IL34: variants seen among roughly 807,000 people sequenced by gnomAD.
IL34 encodes the protein interleukin-34.
A neutral mutation model predicts 25.3 loss-of-function variants in IL34; 17 were observed. The observed-to-expected ratio is 0.67, with a 90% CI of 0.46 to 1.01. The LOEUF is 1.01. IL34 is among the 50% of genes least tolerant of loss of function. IL34 has a pLI of 0.00. For missense variants in IL34, 368 were observed against 312.9 expected (o/e 1.18, Z -1.33); for synonymous variants, 174 against 140.9 (o/e 1.23, Z -1.66).
Position 70,641,037 on chromosome 16 carries a change from C to T in IL34, c.-400-5511C>T, listed in dbSNP as rs187119341. 1.4e-3 allele frequency among the ~76,000 whole-genome samples: 214 copies of T among 152,162 alleles called. 1 individual carries two copies. Among genetic ancestry groups the T allele is most frequent in the African/African-American group, 4.3e-3 (180 of 41,516 alleles). ...CTGTAATCCCAGCACGTTGGGAGGC[C>T]GAGGCAGGCAGATCACTTGAGGTCA... is the stretch of plus-strand genomic sequence containing the variant. On this transcript the variant is annotated intron_variant, in intron 1 of 6. Coordinates refer to the IL34 transcript ENST00000429149.
At chr16:70,637,952 T>TTTTGA (rs1226266834) in intron 1 of IL34, among the ~76,000 whole-genome samples, 1 of 152,156 alleles carries the variant, frequency 6.6e-6, no homozygotes, top group East Asian at 1.9e-4. Context: ...TTCCAGGTTT[T>TTTTGA]TTTGTTTTGT....
intron 1 of IL34, among the ~76,000 whole-genome samples, chr16:70,634,321 G>C (rs566102248): frequency 1.4e-4 from 22 of 152,230 alleles, no homozygotes; most frequent in African/African-American, 5.1e-4. Flanking sequence ...GTTCAACCCA[G>C]TACAGATATG....
At chr16:70,588,458 C>T (rs1445899707) in intron 1 of IL34, among the ~76,000 whole-genome samples, 1 of 151,788 alleles carries the variant, frequency 6.6e-6, no homozygotes, top group Non-Finnish European at 1.5e-5. Flanking sequence ...CACGCCATTT[C>T]ACTCCAAGCC....
At chr16:70,610,411 C>G (rs1441542571) in intron 1 of IL34, among the ~76,000 whole-genome samples, 1 of 152,180 alleles carries the variant, frequency 6.6e-6, no homozygotes, top group African/African-American at 2.4e-5. Context: ...ATTTTGGCAT[C>G]TGGCCCATGT....
chr16:70,597,913 C>T (rs530216588), intron 1 of IL34, among the ~76,000 whole-genome samples: 3 of 152,302 alleles, frequency 2.0e-5, no homozygotes, highest in African/African-American at 7.2e-5. Context: ...TCTTGGCTCA[C>T]TGTAACCTCT....
At chr16:70,628,973 A>G (rs1228643259) in intron 1 of IL34, among the ~76,000 whole-genome samples, 1 of 151,474 alleles carries the variant, frequency 6.6e-6, no homozygotes, top group East Asian at 2.0e-4. Flanking sequence ...TTTTTAATGT[A>G]TAGACAGGGT....
chr16:70,609,545 A>G (rs1180941274), intron 1 of IL34, among the ~76,000 whole-genome samples: 1 of 151,434 alleles, frequency 6.6e-6, no homozygotes, highest in African/African-American at 2.4e-5. Context: ...AGATCAAGCA[A>G]CAAGCAAGTG....
intron 1 of IL34, among the ~76,000 whole-genome samples, chr16:70,652,127 C>CAAA (rs143991484): frequency 2.6e-4 from 37 of 143,340 alleles, no homozygotes; most frequent in East Asian, 1.6e-3. Context: ...GACTCCGTCT[C>CAAA]AAAAAAAAAA....
intron 1 of IL34, among the ~76,000 whole-genome samples, chr16:70,653,636 T>C (rs1454600530): frequency 6.6e-6 from 1 of 152,006 alleles, no homozygotes; most frequent in African/African-American, 2.4e-5. Flanking sequence ...AGTTCTAGGA[T>C]GCAATGAGCC....
intron 1 of IL34, among the ~76,000 whole-genome samples, chr16:70,630,234 C>A (rs192753914): frequency 6.6e-6 from 1 of 151,950 alleles, no homozygotes; most frequent in Admixed American, 6.6e-5. Context: ...ATTTTCTTTC[C>A]TTCTTTCTTT....
At chr16:70,591,969 G>A (rs1488058609) in intron 1 of IL34, among the ~76,000 whole-genome samples, 1 of 151,878 alleles carries the variant, frequency 6.6e-6, no homozygotes, top group Non-Finnish European at 1.5e-5. Context: ...CCACTGTCCT[G>A]GGTGGGGGCC....
intron 1 of IL34, among the ~76,000 whole-genome samples, chr16:70,631,280 C>T (rs1373831546): frequency 6.6e-6 from 1 of 152,102 alleles, no homozygotes; most frequent in East Asian, 1.9e-4. Flanking sequence ...ATGGACAGGG[C>T]CAGTACCCAT....
chr16:70,656,693 C>T lies in IL34; in HGVS notation c.240+14C>T, dbSNP rs1470848471. The T allele has an allele frequency of 8.0e-7, 1 of 1,243,628 alleles. No individual in the cohort carries two copies. Among genetic ancestry groups the T allele is most frequent in the South Asian group, 1.2e-5 (1 of 83,726 alleles). 77.0% of individuals were successfully genotyped at this position (1,243,628 alleles called of 1,614,324 possible). A position where few individuals can be genotyped will look rare whatever the true frequency, so the allele number is the denominator to read the frequency against. On this transcript the variant is annotated intron_variant, in intron 3 of 5. Transcript: ENST00000288098. Reference sequence around the variant, plus strand: ...GTCACCAGGCTGGTGAGAATCCCTTCCTGGGCTGGGGGGACCCTGCCTCCT... The same window carrying T: ...GTCACCAGGCTGGTGAGAATCCCTTTCTGGGCTGGGGGGACCCTGCCTCCT...
chr16:70,616,850 C>A (rs1160070209), intron 1 of IL34, among the ~76,000 whole-genome samples: 1 of 152,116 alleles, frequency 6.6e-6, no homozygotes, highest in African/African-American at 2.4e-5. Flanking sequence ...TACTTCAGGC[C>A]ATCTGGATGT....
intron 1 of IL34, among the ~76,000 whole-genome samples, chr16:70,628,728 C>A (rs569559419): frequency 1.3e-5 from 2 of 151,212 alleles, no homozygotes; most frequent in East Asian, 3.9e-4. Context: ...CTTAATTGAT[C>A]CACCCGCCTT....
chr16:70,590,252 G>T (rs984509462), intron 1 of IL34, among the ~76,000 whole-genome samples: 2 of 152,190 alleles, frequency 1.3e-5, no homozygotes. Flanking sequence ...CCAGACATTG[G>T]AAAGTCCCTG....
upstream of IL34, among the ~76,000 whole-genome samples, chr16:70,644,915 GAGA>G (rs1415404523): frequency 1.9e-5 from 2 of 103,076 alleles, no homozygotes; most frequent in East Asian, 5.3e-4. Context: ...GAGGAGGGAG[GAGA>G]AGGAGGAGGA....
At chr16:70,622,969 G>C (rs1199579448) in intron 1 of IL34, among the ~76,000 whole-genome samples, 1 of 152,048 alleles carries the variant, frequency 6.6e-6, no homozygotes, top group African/African-American at 2.4e-5. Context: ...TCTTGTATAA[G>C]AATTCTGACC....
At chr16:70,657,184 T>G in intron 4 of IL34, 63 bp downstream of exon 4, 1 of 1,524,430 alleles carries the variant, frequency 6.6e-7, no homozygotes, top group Non-Finnish European at 8.9e-7. Context: ...TACATGTGTG[T>G]GAGGTGTGGC....
Sources: allele counts gnomAD v4.1 joint callset (sites outside exome capture counted in the v4.1 genomes callset), GRCh38; gene constraint gnomAD v4.1.1; transcripts MANE v1.5; gene names NCBI Gene and HGNC (gene_info 2026-07-23, HGNC 2026-07-21).